Variants in GYPC observed in about 807,000 individuals in gnomAD.
The protein encoded by GYPC is glycophorin-C.
A neutral mutation model predicts 12.6 loss-of-function variants in GYPC; 14 were observed. The observed-to-expected ratio is 1.11, with a 90% CI of 0.74 to 1.74. The LOEUF (loss-of-function observed/expected upper bound fraction) is 1.74. Ranked by LOEUF, GYPC falls within the 40% of genes most tolerant of loss-of-function variation. GYPC has a pLI of 0.00. For synonymous variants in GYPC, 78 were observed against 62.1 expected (o/e 1.26, Z -1.20); for missense variants, 225 against 172.1 (o/e 1.31, Z -1.72).
chr2:126,667,788 A>G (rs951562092), intron 1 of GYPC, among the ~76,000 whole-genome samples: 1 of 151,996 alleles, frequency 6.6e-6, no homozygotes, highest in East Asian at 1.9e-4. Flanking sequence ...CTTTTCATCC[A>G]CTTATAGTGA....
chr2:126,659,109 G>A (rs962053125), intron 1 of GYPC, among the ~76,000 whole-genome samples: 1 of 144,008 alleles, frequency 6.9e-6, no homozygotes, highest in Admixed American at 7.2e-5. Flanking sequence ...ATTTCCCTGC[G>A]TCCTCACTCA....
intron 1 of GYPC, among the ~76,000 whole-genome samples, chr2:126,664,606 G>A (rs1682628676): frequency 6.6e-6 from 1 of 152,234 alleles, no homozygotes; most frequent in Admixed American, 6.5e-5. Context: ...CTTTATACCA[G>A]TGCAGCTATA....
intron 1 of GYPC, among the ~76,000 whole-genome samples, chr2:126,681,734 G>T (rs28387176): frequency 1.7e-3 from 248 of 148,788 alleles, no homozygotes; most frequent in African/African-American, 5.7e-3. Context: ...AGCCAAGATT[G>T]CGCCATTGCA....
intron 1 of GYPC, chr2:126,686,252 C>T: frequency 1.0e-6 from 1 of 985,694 alleles, no homozygotes; most frequent in Non-Finnish European, 1.2e-6. Context: ...ATACCACTGG[C>T]CCTGAGAATC....
At chr2:126,677,307 GTGTGTGTGAGAA>G (rs1683019875) in intron 1 of GYPC, among the ~76,000 whole-genome samples, 1 of 151,460 alleles carries the variant, frequency 6.6e-6, no homozygotes. Flanking sequence ...GAGTGTGTGA[GTGTGTGTGAGAA>G]TGTGTGTGAT....
At chr2:126,670,802 A>C (rs1682830317) in intron 1 of GYPC, among the ~76,000 whole-genome samples, 1 of 152,184 alleles carries the variant, frequency 6.6e-6, no homozygotes, top group Non-Finnish European at 1.5e-5. Flanking sequence ...TGCCAAATCC[A>C]GCTGCCCCCT....
chr2:126,688,378 T>G (rs1223109036), intron 1 of GYPC, among the ~76,000 whole-genome samples: 1 of 152,246 alleles, frequency 6.6e-6, no homozygotes, highest in Admixed American at 6.5e-5. Flanking sequence ...ACTCCACCAC[T>G]AAATCCATTC....
chr2:126,687,120 G>A (rs1156623408), intron 1 of GYPC, among the ~76,000 whole-genome samples: 1 of 152,178 alleles, frequency 6.6e-6, no homozygotes, highest in Non-Finnish European at 1.5e-5. Flanking sequence ...GGCTTCCGGA[G>A]CCTTGGAGCC....
intron 1 of GYPC, among the ~76,000 whole-genome samples, chr2:126,670,314 C>T (rs1220885410): frequency 1.3e-5 from 2 of 152,226 alleles, no homozygotes. Context: ...TCAGGATTGC[C>T]TGGAGAAGTC....
chr2:126,685,833 C>T, intron 1 of GYPC: 2 of 985,100 alleles, frequency 2.0e-6, no homozygotes, highest in Non-Finnish European at 2.4e-6. Flanking sequence ...TGCAGGAAGT[C>T]TCCAAGGACC....
At chr2:126,694,582 G>A (rs1683585800) in intron 3 of GYPC, among the ~76,000 whole-genome samples, 1 of 152,060 alleles carries the variant, frequency 6.6e-6, no homozygotes, top group Non-Finnish European at 1.5e-5. Flanking sequence ...GACACCTGTT[G>A]GACTCTGTGT....
intron 1 of GYPC, among the ~76,000 whole-genome samples, chr2:126,674,198 G>C (rs539646919): frequency 1.3e-5 from 2 of 152,186 alleles, no homozygotes; most frequent in Non-Finnish European, 2.9e-5. Context: ...ATAAGCCTCC[G>C]AGCGGGAGAA....
intron 1 of GYPC, among the ~76,000 whole-genome samples, chr2:126,681,791 A>AAAAG (rs201316313): frequency 9.1e-5 from 10 of 109,940 alleles, no homozygotes; most frequent in East Asian, 1.1e-3. Context: ...AAAAAAAAAA[A>AAAAG]AAAGAAAGAA....
intron 1 of GYPC, among the ~76,000 whole-genome samples, chr2:126,677,298 AGT>A (rs977003145): frequency 6.7e-6 from 1 of 149,276 alleles, no homozygotes; most frequent in Non-Finnish European, 1.5e-5. Flanking sequence ...AGTGTGTTAG[AGT>A]GTGTGAGTGT....
At chr2:126,669,747 G>A (rs1242276006) in intron 1 of GYPC, among the ~76,000 whole-genome samples, 1 of 152,180 alleles carries the variant, frequency 6.6e-6, no homozygotes, top group Non-Finnish European at 1.5e-5. Flanking sequence ...AATCCACGGT[G>A]TTCCTTCGAA....
chr2:126,667,879 A>T (rs368864607), intron 1 of GYPC, among the ~76,000 whole-genome samples: 3 of 152,342 alleles, frequency 2.0e-5, no homozygotes, highest in South Asian at 4.1e-4. Context: ...TCCCTACTGC[A>T]TGCAAGGTGC....
At chr2:126,675,083 C>T (rs1189618331) in intron 1 of GYPC, among the ~76,000 whole-genome samples, 2 of 152,232 alleles carry the variant, frequency 1.3e-5, no homozygotes, top group East Asian at 3.9e-4. Context: ...AGCTGAGTGC[C>T]CAGGGTGAGT....
chr2:126,688,152 GA>G (rs1683344070), intron 1 of GYPC, among the ~76,000 whole-genome samples: 2 of 152,178 alleles, frequency 1.3e-5, no homozygotes, highest in African/African-American at 4.8e-5. Context: ...CATTTAGTAT[GA>G]AATTATTAAC....
intron 1 of GYPC, among the ~76,000 whole-genome samples, chr2:126,681,251 G>T (rs7580697): frequency 0.16 from 24,386 of 151,986 alleles, 2,548 homozygotes; most frequent in East Asian, 0.42. Context: ...AGAGGGTCCC[G>T]TTTTCTTCAC....
Sources: gnomAD v4.1 joint callset for allele counts (sites outside exome capture counted in the v4.1 genomes callset) on GRCh38, gnomAD v4.1.1 for gene constraint, MANE v1.5 for transcripts, NCBI Gene and HGNC (gene_info 2026-07-23, HGNC 2026-07-21) for gene names.